GRM7: variants seen among roughly 807,000 people sequenced by gnomAD.
GRM7 encodes the protein metabotropic glutamate receptor 7.
A neutral mutation model predicts 84.5 loss-of-function variants in GRM7; 35 were observed. The ratio of observed to expected loss-of-function variants is 0.41; its 90% CI spans 0.32 to 0.55. The LOEUF (loss-of-function observed/expected upper bound fraction) is 0.55, where lower values mean the gene tolerates loss of function less well. Among genes scored for constraint, GRM7 ranks in the 20% least tolerant of loss-of-function variants. The probability of loss-of-function intolerance (pLI) is 0.19; values close to 1 mark genes in which losing one functional copy is unlikely to be tolerated. For synonymous variants in GRM7, 487 were observed against 455.1 expected (o/e 1.07, Z -0.89); for missense variants, 1,003 against 1,194.6 (o/e 0.84, Z 2.36).
intron 7 of GRM7, among the ~76,000 whole-genome samples, chr3:7,469,925 T>TA (rs1698629422): frequency 6.6e-6 from 1 of 152,224 alleles, no homozygotes; most frequent in African/African-American, 2.4e-5. Flanking sequence ...AAAAATTAAT[T>TA]ACTTGCCAAT....
At chr3:7,519,340 T>C (rs1054435387) in intron 7 of GRM7, among the ~76,000 whole-genome samples, 4 of 151,300 alleles carry the variant, frequency 2.6e-5, no homozygotes, top group Admixed American at 1.3e-4. Flanking sequence ...CCAGGCTGGT[T>C]GACAAAGAGA....
chr3:7,127,535 C>A (rs747886789), intron 1 of GRM7, among the ~76,000 whole-genome samples: 53 of 152,114 alleles, frequency 3.5e-4, no homozygotes, highest in Non-Finnish European at 7.1e-4. Flanking sequence ...TATTCTTTAG[C>A]AAAGCTTCTA....
chr3:7,706,835 C>T (rs1205967180), intron 9 of GRM7, among the ~76,000 whole-genome samples: 1 of 152,144 alleles, frequency 6.6e-6, no homozygotes, highest in Non-Finnish European at 1.5e-5. Flanking sequence ...CCATAACTCA[C>T]AATGTGGTAT....
At chr3:7,281,401 A>G (rs1269306341) in intron 2 of GRM7, among the ~76,000 whole-genome samples, 1 of 152,152 alleles carries the variant, frequency 6.6e-6, no homozygotes, top group Non-Finnish European at 1.5e-5. Context: ...GATTGTGCCT[A>G]AAATGTTAGA....
intron 4 of GRM7, among the ~76,000 whole-genome samples, chr3:7,330,298 A>C (rs1701152960): frequency 6.6e-6 from 1 of 152,136 alleles, no homozygotes; most frequent in African/African-American, 2.4e-5. Flanking sequence ...AGTCTGTCAC[A>C]AAACCCTCCA....
At chr3:6,894,080 C>A (rs1696076669) in intron 1 of GRM7, 1 of 152,242 alleles carries the variant, frequency 6.6e-6, no homozygotes, top group Non-Finnish European at 1.5e-5. Flanking sequence ...AAAAGTTCAA[C>A]CACTATACAT....
chr3:7,694,327 C>T (rs937913549), intron 9 of GRM7: 4 of 436,172 alleles, frequency 9.2e-6, no homozygotes, highest in Non-Finnish European at 1.2e-5. Flanking sequence ...GGCGTCATCT[C>T]AAATTAACTG....
chr3:7,454,090 A>ACACACTCTCTCTCTCTCTCTCTCT (rs1365192243), intron 6 of GRM7, among the ~76,000 whole-genome samples: 83 of 140,176 alleles, frequency 5.9e-4, no homozygotes, highest in East Asian at 2.6e-3. Flanking sequence ...CTACACACAC[A>ACACACTCTCTCTCTCTCTCTCTCT]CTCTCTCTCT....
intron 2 of GRM7, among the ~76,000 whole-genome samples, chr3:7,267,436 T>C (rs1296879544): frequency 6.6e-6 from 1 of 152,256 alleles, no homozygotes; most frequent in Non-Finnish European, 1.5e-5. Flanking sequence ...GCAATTGGTA[T>C]TCTAATCAGG....
At chr3:7,280,221 G>T (rs192426325) in intron 2 of GRM7, among the ~76,000 whole-genome samples, 12 of 152,266 alleles carry the variant, frequency 7.9e-5, no homozygotes, top group East Asian at 5.8e-4. Context: ...CTCAGTAAAA[G>T]GTAGCATGTT....
intron 7 of GRM7, among the ~76,000 whole-genome samples, chr3:7,478,716 A>T (rs1434174125): frequency 2.0e-5 from 3 of 152,022 alleles, no homozygotes; most frequent in Non-Finnish European, 4.4e-5. Context: ...CTGGAGAGGG[A>T]TGAGTAGTCC....
intron 1 of GRM7, among the ~76,000 whole-genome samples, chr3:6,981,755 A>G (rs1296751041): frequency 6.6e-6 from 1 of 152,132 alleles, no homozygotes; most frequent in Non-Finnish European, 1.5e-5. Flanking sequence ...ATACCCTCTT[A>G]TACCAGTCAG....
intron 9 of GRM7, among the ~76,000 whole-genome samples, chr3:7,700,935 CT>C (rs1167850685): frequency 1.3e-5 from 2 of 152,206 alleles, no homozygotes; most frequent in Non-Finnish European, 2.9e-5. Context: ...AAGTGAAAAG[CT>C]TTCTTCTTCA....
At chr3:7,020,137 G>T (rs1695724111) in intron 1 of GRM7, among the ~76,000 whole-genome samples, 1 of 152,282 alleles carries the variant, frequency 6.6e-6, no homozygotes, top group East Asian at 1.9e-4. Context: ...ATGAGCCACT[G>T]CACCCTGCCA....
intron 2 of GRM7, among the ~76,000 whole-genome samples, chr3:7,257,125 C>T (rs1698238683): frequency 6.6e-6 from 1 of 152,124 alleles, no homozygotes; most frequent in Non-Finnish European, 1.5e-5. Flanking sequence ...CAGATTCTCC[C>T]TTTTTAGGGA....
intron 8 of GRM7, among the ~76,000 whole-genome samples, chr3:7,670,619 G>C (rs560220818): frequency 6.6e-6 from 1 of 152,126 alleles, no homozygotes; most frequent in East Asian, 1.9e-4. Flanking sequence ...CTCTTTTTAT[G>C]TTCATTAGAA....
At chr3:7,211,648 C>G (rs1293278244) in intron 2 of GRM7, among the ~76,000 whole-genome samples, 1 of 31,812 alleles carries the variant, frequency 3.1e-5, no homozygotes, top group Non-Finnish European at 6.8e-5. Flanking sequence ...TCTGTTCTCC[C>G]AACCAAAAAA....
chr3:7,628,123 A>C (rs1037325170), intron 8 of GRM7, among the ~76,000 whole-genome samples: 2 of 152,076 alleles, frequency 1.3e-5, no homozygotes, highest in African/African-American at 4.8e-5. Context: ...TCTTTAAAAA[A>C]CTTGAGGCAT....
intron 1 of GRM7, among the ~76,000 whole-genome samples, chr3:7,002,491 A>C (rs1402565835): frequency 6.6e-6 from 1 of 152,190 alleles, no homozygotes; most frequent in Non-Finnish European, 1.5e-5. Context: ...ATTAGAATAC[A>C]TAACTGAAAG....
Sources: allele counts gnomAD v4.1 joint callset (sites outside exome capture counted in the v4.1 genomes callset), GRCh38; gene constraint gnomAD v4.1.1; transcripts MANE v1.5; gene names NCBI Gene and HGNC (gene_info 2026-07-23, HGNC 2026-07-21).